Variants in CCDC149 observed in about 807,000 individuals in gnomAD.
CCDC149 encodes coiled-coil domain-containing protein 149.
In CCDC149, 45 loss-of-function variants were observed where a neutral mutation model predicts 59.9. The observed-to-expected ratio is 0.75, with a 90% CI of 0.59 to 0.96. The LOEUF (loss-of-function observed/expected upper bound fraction) is 0.96. Among genes scored for constraint, CCDC149 ranks in the 40% least tolerant of loss-of-function variants. CCDC149 has a pLI of 0.00. For missense variants in CCDC149, 584 were observed against 664.7 expected, an observed-to-expected ratio of 0.88 and a Z score of 1.33; for synonymous variants, 245 against 260.6, an observed-to-expected ratio of 0.94 and a Z score of 0.58.
At chr4:24,838,352 C>A in intron 4 of CCDC149, 80 bp from the exon 5 acceptor site, 1 of 990,516 alleles carries the variant, frequency 1.0e-6, no homozygotes, top group Non-Finnish European at 1.6e-6. Flanking sequence ...CACTAAGAAA[C>A]TTTTGGAAGA....
chr4:24,854,791 C>T (rs800462), intron 3 of CCDC149, among the ~76,000 whole-genome samples: 119,683 of 152,050 alleles, frequency 0.79, 47,118 homozygotes, highest in East Asian at 0.91. Flanking sequence ...CCCTGTGGTC[C>T]CCCACACAGA....
intron 12 of CCDC149, among the ~76,000 whole-genome samples, chr4:24,816,954 T>A (rs1715052428): frequency 6.6e-6 from 1 of 152,110 alleles, no homozygotes; most frequent in Non-Finnish European, 1.5e-5. Flanking sequence ...CTGCTTTCAG[T>A]TGGAATTGAT....
intron 9 of CCDC149, chr4:24,827,845 G>A (rs1380054943): frequency 2.0e-5 from 3 of 152,236 alleles, no homozygotes; most frequent in Non-Finnish European, 4.4e-5. Context: ...TTACTGCTAT[G>A]TATAACGCTC....
intron 9 of CCDC149, among the ~76,000 whole-genome samples, chr4:24,824,352 C>T (rs1322511905): frequency 1.3e-5 from 2 of 152,124 alleles, no homozygotes; most frequent in Admixed American, 1.3e-4. Context: ...AAAATGGACT[C>T]AGTAGAAGTT....
chr4:24,819,270 A>G (rs1460913346), intron 12 of CCDC149, among the ~76,000 whole-genome samples: 1 of 152,254 alleles, frequency 6.6e-6, no homozygotes, highest in Non-Finnish European at 1.5e-5. Flanking sequence ...TCTCATAGCC[A>G]ATGTGATGTG....
chr4:24,959,712 A>T (rs1723582292), intron 1 of CCDC149, among the ~76,000 whole-genome samples: 1 of 152,238 alleles, frequency 6.6e-6, no homozygotes, highest in African/African-American at 2.4e-5. Context: ...AGATGACAAC[A>T]GCTTTTTCAT....
chr4:24,843,894 T>C (rs533983201), intron 4 of CCDC149, among the ~76,000 whole-genome samples: 2 of 152,274 alleles, frequency 1.3e-5, no homozygotes, highest in East Asian at 1.9e-4. Context: ...CATCCCCCTA[T>C]GTCTGTGCTC....
chr4:24,961,756 T>C (rs985292324), intron 1 of CCDC149, among the ~76,000 whole-genome samples: 22 of 152,180 alleles, frequency 1.4e-4, no homozygotes, highest in Admixed American at 6.5e-4. Context: ...TGGCTAGCCA[T>C]ATGTAGAAAG....
intron 1 of CCDC149, among the ~76,000 whole-genome samples, chr4:24,972,287 TTTTTCTTTTCTTTTCTTTTC>T (rs200651666): frequency 1.4e-5 from 2 of 142,632 alleles, no homozygotes; most frequent in Non-Finnish European, 3.0e-5. Context: ...AATTCTGACC[TTTTTCTTTTCTTTTCTTTTC>T]TTTTCTTTTC....
At chr4:24,811,523 T>C (rs1352301365) in intron 12 of CCDC149, among the ~76,000 whole-genome samples, 1 of 152,186 alleles carries the variant, frequency 6.6e-6, no homozygotes, top group Non-Finnish European at 1.5e-5. Context: ...ACAAACGTAG[T>C]GGCTTAAAAC....
chr4:24,863,658 A>G (rs957553541), intron 3 of CCDC149, among the ~76,000 whole-genome samples: 4 of 152,220 alleles, frequency 2.6e-5, no homozygotes, highest in Admixed American at 2.0e-4. Flanking sequence ...AAAGCCTCCT[A>G]TCAACTATTA....
At chr4:24,883,100 G>T (rs1183650023) in intron 1 of CCDC149, among the ~76,000 whole-genome samples, 1 of 152,082 alleles carries the variant, frequency 6.6e-6, no homozygotes, top group African/African-American at 2.4e-5. Flanking sequence ...CAAGTGACCT[G>T]CCCAGTTGCA....
chr4:24,932,967 T>A (rs1182076650), intron 1 of CCDC149, among the ~76,000 whole-genome samples: 2 of 152,078 alleles, frequency 1.3e-5, no homozygotes, highest in Non-Finnish European at 2.9e-5. Context: ...ATGAAAGAAA[T>A]CACAGCAAAC....
intron 9 of CCDC149, among the ~76,000 whole-genome samples, chr4:24,823,243 A>C (rs1453479852): frequency 6.6e-6 from 1 of 152,252 alleles, no homozygotes; most frequent in Admixed American, 6.5e-5. Flanking sequence ...AATCATTAGA[A>C]TAATTACATT....
intron 3 of CCDC149, among the ~76,000 whole-genome samples, chr4:24,865,082 A>G (rs1429444716): frequency 1.3e-5 from 2 of 152,188 alleles, no homozygotes; most frequent in African/African-American, 4.8e-5. Flanking sequence ...ATACCTCTCA[A>G]TCTGAAGACA....
At chr4:24,958,778 TC>T (rs904183700) in intron 1 of CCDC149, among the ~76,000 whole-genome samples, 3 of 152,114 alleles carry the variant, frequency 2.0e-5, no homozygotes, top group African/African-American at 7.2e-5. Flanking sequence ...TAACCTGTAG[TC>T]CCAGCACTTC....
At chr4:24,933,023 T>C (rs1415989687) in intron 1 of CCDC149, among the ~76,000 whole-genome samples, 3 of 152,124 alleles carry the variant, frequency 2.0e-5, no homozygotes, top group African/African-American at 7.2e-5. Context: ...TCTGATGTCT[T>C]ATGCATGGTG....
intron 1 of CCDC149, among the ~76,000 whole-genome samples, chr4:24,955,325 G>C (rs999265441): frequency 6.6e-6 from 1 of 152,104 alleles, no homozygotes; most frequent in African/African-American, 2.4e-5. Flanking sequence ...CTTTCATAGA[G>C]CCTTAGTTCC....
intron 1 of CCDC149, among the ~76,000 whole-genome samples, chr4:24,881,013 C>T (rs548127090): frequency 2.0e-5 from 3 of 152,302 alleles, no homozygotes; most frequent in Non-Finnish European, 2.9e-5. Flanking sequence ...CCAGAAGGTA[C>T]GACTCACTTT....
Sources: gnomAD v4.1 joint callset for allele counts (sites outside exome capture counted in the v4.1 genomes callset) on GRCh38, gnomAD v4.1.1 for gene constraint, MANE v1.5 for transcripts, NCBI Gene and HGNC (gene_info 2026-07-23, HGNC 2026-07-21) for gene names.